The following NF1 variants were observed in gnomAD, a reference collection of about 807,000 sequenced individuals.
NF1 encodes the protein neurofibromin 1.
In NF1, 122 loss-of-function variants were observed where a neutral mutation model predicts 325.7. The observed-to-expected ratio is 0.37, with a 90% confidence interval of 0.32 to 0.44. NF1 has a LOEUF of 0.44. Among genes scored for constraint, NF1 ranks in the 20% least tolerant of loss-of-function variants. The pLI, the probability that NF1 is intolerant of heterozygous loss-of-function variation, is 1.00. For missense variants in NF1, 2,140 were observed against 3,415.4 expected, an observed-to-expected ratio of 0.63 and a Z score of 9.31; for synonymous variants, 1,091 against 1,186.0, an observed-to-expected ratio of 0.92 and a Z score of 1.65.
intron 1 of NF1, among the ~76,000 whole-genome samples, chr17:31,143,298 G>A (rs1751094448): frequency 6.6e-6 from 1 of 151,688 alleles, no homozygotes; most frequent in African/African-American, 2.4e-5. Flanking sequence ...GACGGGTCTT[G>A]TTCTATCACC....
intron 1 of NF1, among the ~76,000 whole-genome samples, chr17:31,107,303 T>G (rs1912943817): frequency 6.6e-6 from 1 of 152,058 alleles, no homozygotes; most frequent in East Asian, 1.9e-4. Flanking sequence ...GAATCTGGAG[T>G]AGGGAATGAC....
In NF1 at chr17:31,330,549, A is replaced by G. The variant is rs557703026; in HGVS notation, c.5812+51A>G. 1.5e-5 allele frequency: 20 copies of G among 1,345,364 alleles called. No individual in the cohort carries two copies. In the East Asian group the frequency reaches 4.5e-4, roughly 30 times the overall value. The allele number at this position is 1,345,364 out of a possible 1,614,324, so 83.3% of individuals were successfully genotyped here. On this transcript the variant is annotated intron_variant, in intron 39 of 57. Coordinates refer to ENST00000358273, the MANE Select transcript of NF1 (RefSeq NM_001042492.3). ...ACTAACAATTATTCTAAGAGAATTC[A>G]AAGAAAACCCTTTCATTTCAGAATT...
At chr17:31,327,478 C>T (rs978725684) in intron 37 of NF1, 21 bp from the exon 38 acceptor site, 2 of 1,593,132 alleles carry the variant, frequency 1.3e-6, no homozygotes, top group Non-Finnish European at 1.7e-6. Flanking sequence ...TCCACTTCAC[C>T]CCGTCACCAC....
chr17:31,288,138 A>T (rs919927552), intron 36 of NF1, among the ~76,000 whole-genome samples: 1 of 152,040 alleles, frequency 6.6e-6, no homozygotes, highest in Admixed American at 6.5e-5. Flanking sequence ...CAAAAAAAAT[A>T]AAAAATAAAA....
At chr17:31,291,719 A>G (rs571800766) in intron 36 of NF1, among the ~76,000 whole-genome samples, 1 of 152,202 alleles carries the variant, frequency 6.6e-6, no homozygotes, top group South Asian at 2.1e-4. Context: ...ATTGAATAGC[A>G]CATATTTGTG....
chr17:31,173,405 G>A (rs760361661), intron 5 of NF1, among the ~76,000 whole-genome samples: 73 of 151,996 alleles, frequency 4.8e-4, no homozygotes, highest in Admixed American at 2.0e-3. Context: ...GTGATACTCC[G>A]TCTCTAAATA....
intron 36 of NF1, among the ~76,000 whole-genome samples, chr17:31,273,910 A>G (rs1278027645): frequency 6.6e-6 from 1 of 152,192 alleles, no homozygotes; most frequent in Non-Finnish European, 1.5e-5. Flanking sequence ...AACTAGATGA[A>G]TTTACTATTT....
chr17:31,233,898 A>G (rs1470144933), intron 27 of NF1, among the ~76,000 whole-genome samples: 1 of 152,172 alleles, frequency 6.6e-6, no homozygotes, highest in Non-Finnish European at 1.5e-5. Flanking sequence ...TTAAAGTAAA[A>G]TTCAAACTCC....
At chr17:31,229,813 A>T (rs374333933) in intron 21 of NF1, 22 bp from the exon 22 acceptor site, 1 of 1,611,010 alleles carries the variant, frequency 6.2e-7, no homozygotes, top group Non-Finnish European at 8.5e-7. Context: ...GCAAATCATT[A>T]ATGTATTTGT....
At chr17:31,151,632 C>T (rs1185076813) in intron 1 of NF1, among the ~76,000 whole-genome samples, 1 of 152,120 alleles carries the variant, frequency 6.6e-6, no homozygotes, top group Non-Finnish European at 1.5e-5. Context: ...TACACACATC[C>T]TCCTGTGTAC....
At chr17:31,167,421 T>A (rs895739889) in intron 4 of NF1, among the ~76,000 whole-genome samples, 2 of 152,222 alleles carry the variant, frequency 1.3e-5, no homozygotes, top group African/African-American at 4.8e-5. Context: ...AGAATAGGAT[T>A]GATTACATTC....
At chr17:31,311,794 G>T (rs116987897) in intron 36 of NF1, among the ~76,000 whole-genome samples, 1 of 152,106 alleles carries the variant, frequency 6.6e-6, no homozygotes, top group African/African-American at 2.4e-5. Context: ...TGCCAGAACC[G>T]TTTCTTTCTA....
intron 36 of NF1, among the ~76,000 whole-genome samples, chr17:31,267,615 G>C (rs768489715): frequency 1.4e-4 from 21 of 152,108 alleles, no homozygotes; most frequent in Non-Finnish European, 2.9e-4. Flanking sequence ...GAGCACTTGG[G>C]TTTGACTTCT....
At chr17:31,143,328 G>A (rs1282843017) in intron 1 of NF1, among the ~76,000 whole-genome samples, 2 of 151,924 alleles carry the variant, frequency 1.3e-5, no homozygotes, top group South Asian at 2.1e-4. Flanking sequence ...GTGCTGTGGC[G>A]CAATTATGGC....
At chr17:31,289,817 A>G (rs752978095) in intron 36 of NF1, among the ~76,000 whole-genome samples, 1 of 152,262 alleles carries the variant, frequency 6.6e-6, no homozygotes, top group East Asian at 1.9e-4. Context: ...AAAATATCTT[A>G]CTTTTTTAAA....
At chr17:31,136,328 C>CAAA (rs56348558) in intron 1 of NF1, 281 of 72,204 alleles carry the variant, frequency 3.9e-3, no homozygotes, top group African/African-American at 0.012. Context: ...GACTCTGTCT[C>CAAA]AAAAAAAAAA....
chr17:31,325,289 A>T lies in NF1; in HGVS notation c.4836-531A>T, dbSNP rs528432816. On this transcript the variant is annotated intron_variant, in intron 36 of 57. Transcript: ENST00000358273. Reference sequence around the variant, plus strand: ...CCCAAAATATGAGCTAGCAACTCCTAGGGCTACGTATTCCCTTGTTTATAA... The same window carrying T: ...CCCAAAATATGAGCTAGCAACTCCTTGGGCTACGTATTCCCTTGTTTATAA... Among the ~76,000 whole-genome samples the T allele has an allele frequency of 2.0e-5, 3 of 152,284 alleles. No individual in the cohort carries two copies. The South Asian group carries it at 6.2e-4, about 32-fold the overall frequency.
chr17:31,249,252 T>G, intron 30 of NF1, 133 bp downstream of exon 30: 1 of 1,037,422 alleles, frequency 9.6e-7, no homozygotes, highest in East Asian at 2.4e-5. Flanking sequence ...GAATAATACA[T>G]TGAGAATTGT....
intron 8 of NF1, among the ~76,000 whole-genome samples, chr17:31,197,793 T>A (rs2066460450): frequency 6.6e-6 from 1 of 152,248 alleles, no homozygotes; most frequent in Non-Finnish European, 1.5e-5. Flanking sequence ...GAATTTTCCA[T>A]CTTTTTCTTG....
Sources: allele counts gnomAD v4.1 joint callset (sites outside exome capture counted in the v4.1 genomes callset), GRCh38; gene constraint gnomAD v4.1.1; transcripts MANE v1.5; gene names NCBI Gene and HGNC (gene_info 2026-07-23, HGNC 2026-07-21).